Variants in PARVA observed in about 807,000 individuals in gnomAD.
PARVA encodes the protein alpha-parvin.
PARVA carries 25 observed loss-of-function variants against 52.6 expected under a neutral mutation model. That is an observed-to-expected ratio of 0.48 (90% CI 0.35 to 0.66). PARVA has a LOEUF of 0.66. PARVA is among the 30% of genes least tolerant of loss of function. The pLI is 0.01. For missense variants in PARVA, 373 were observed against 450.9 expected, an observed-to-expected ratio of 0.83 and a Z score of 1.56; for synonymous variants, 185 against 179.1, an observed-to-expected ratio of 1.03 and a Z score of -0.26.
intron 1 of PARVA, among the ~76,000 whole-genome samples, chr11:12,457,476 T>TC (rs1370687764): frequency 1.3e-5 from 2 of 152,200 alleles, no homozygotes; most frequent in Non-Finnish European, 2.9e-5. Flanking sequence ...CCTGAACCCC[T>TC]CCTCTCAGAA....
intron 4 of PARVA, among the ~76,000 whole-genome samples, chr11:12,494,907 C>G (rs1193627572): frequency 6.6e-6 from 1 of 152,142 alleles, no homozygotes; most frequent in Non-Finnish European, 1.5e-5. Flanking sequence ...CAAGATAAGA[C>G]CAGAAGGTTC....
intron 12 of PARVA, among the ~76,000 whole-genome samples, chr11:12,518,967 G>A (rs552545421): frequency 5.9e-5 from 9 of 152,336 alleles, no homozygotes; most frequent in South Asian, 2.1e-4. Context: ...GCCATGATTT[G>A]TGGGGTTTGG....
rs533457646 is a variant in PARVA, at chr11:12,413,901, A to G, written c.136+36118A>G. Among the ~76,000 whole-genome samples, 334 of 152,362 alleles carry G rather than the reference A, an allele frequency of 2.2e-3. 1 individual carries two copies. Among genetic ancestry groups the G allele is most frequent in the African/African-American group, 7.7e-3 (321 of 41,588 alleles). On this transcript the variant is annotated intron_variant, in intron 1 of 12. Transcript: ENST00000334956. ...AACCAGAGAACAAAGCAGTTTCTGCACAAAACAGTAACTTAAGGAGGATAT... is the reference window on the plus strand; with the variant it reads ...AACCAGAGAACAAAGCAGTTTCTGCGCAAAACAGTAACTTAAGGAGGATAT...
At chr11:12,376,756 T>C (rs1939394918), upstream of PARVA, 1 of 980,754 alleles carries the variant, frequency 1.0e-6, no homozygotes, top group Non-Finnish European at 1.2e-6. Context: ...AACACGTGCC[T>C]TTTAATCATT....
At chr11:12,490,540 G>A (rs2135054495) in intron 4 of PARVA, among the ~76,000 whole-genome samples, 1 of 150,068 alleles carries the variant, frequency 6.7e-6, no homozygotes, top group South Asian at 2.1e-4. Context: ...GAGAGAGAGA[G>A]AAAATAAAGG....
intron 6 of PARVA, among the ~76,000 whole-genome samples, chr11:12,507,369 G>C (rs932493864): frequency 6.6e-6 from 1 of 152,168 alleles, no homozygotes; most frequent in African/African-American, 2.4e-5. Context: ...GTAGTAGAAT[G>C]AATCTCCCTC....
Position 12,533,572 on chromosome 11 carries a change from T to C in PARVA, c.*5647T>C, listed in dbSNP as rs1941798426. ...GCACCGACCCCTGAGCAGCTGAAAA[T>C]TTGCATGTAACTTGACTCCCCCAAA... On this transcript the variant is annotated 3_prime_UTR_variant, in exon 13 of 13. Coordinates refer to ENST00000334956, the MANE Select transcript of PARVA (RefSeq NM_018222.5). Among the ~76,000 whole-genome samples, 1 of 152,010 alleles carries C rather than the reference T, an allele frequency of 6.6e-6. No individual in the cohort carries two copies. Among genetic ancestry groups the C allele is most frequent in the Admixed American group, 6.6e-5 (1 of 15,258 alleles).
chr11:12,501,961 T>C (rs1941368327), intron 5 of PARVA, among the ~76,000 whole-genome samples: 1 of 152,156 alleles, frequency 6.6e-6, no homozygotes, highest in Non-Finnish European at 1.5e-5. Flanking sequence ...CAAATGTTCT[T>C]ACAACCCTCA....
At chr11:12,526,241 T>A (rs200749959) in intron 12 of PARVA, among the ~76,000 whole-genome samples, 1 of 142,698 alleles carries the variant, frequency 7.0e-6, no homozygotes, top group Admixed American at 7.0e-5. Context: ...TCTTTTTTTT[T>A]AAAAGTCCCA....
At chr11:12,467,472 A>G (rs1940867770) in intron 1 of PARVA, among the ~76,000 whole-genome samples, 1 of 152,194 alleles carries the variant, frequency 6.6e-6, no homozygotes, top group Non-Finnish European at 1.5e-5. Flanking sequence ...CAAAGCATCC[A>G]ATTTCTCAAC....
intron 4 of PARVA, among the ~76,000 whole-genome samples, chr11:12,481,595 G>T (rs1173844894): frequency 6.6e-6 from 1 of 152,060 alleles, no homozygotes; most frequent in East Asian, 1.9e-4. Context: ...TATATTAGTG[G>T]ATGTTTTTAA....
rs771152861 is a variant in PARVA, at chr11:12,508,626, A to G, written c.700A>G (p.Ile234Val). 2.5e-6 allele frequency: 4 copies of G among 1,608,984 alleles called. No homozygotes were observed. The African/African-American group carries it at 5.4e-5, about 22-fold the overall frequency. ...ILQSRQIQEE[I>V]TGNTEALSGR... Reference sequence around the variant, plus strand: ...CCAGTCTCGGCAAATCCAAGAGGAAATAACTGGTAACACAGAGTATGTCAA... The same window carrying G: ...CCAGTCTCGGCAAATCCAAGAGGAAGTAACTGGTAACACAGAGTATGTCAA... Residue 234 changes from isoleucine (I) to valine (V), a missense_variant, in exon 7 of 13, where the codon ATA becomes GTA. Transcript: ENST00000334956.
chr11:12,533,547 G>A lies in PARVA; in HGVS notation c.*5622G>A, dbSNP rs1279709852. ...TACGGTTGATCCTTGAATGATATGGGCACCGACCCCTGAGCAGCTGAAAAT... is the reference window on the plus strand; with the variant it reads ...TACGGTTGATCCTTGAATGATATGGACACCGACCCCTGAGCAGCTGAAAAT... On this transcript the variant is annotated 3_prime_UTR_variant, in exon 13 of 13. Coordinates refer to ENST00000334956, the MANE Select transcript of PARVA (RefSeq NM_018222.5). Among the ~76,000 whole-genome samples the A allele has an allele frequency of 6.6e-6, 1 of 152,066 alleles. No homozygotes were observed. The highest frequency in any genetic ancestry group is 1.5e-5 in the Non-Finnish European group (1 of 68,022).
chr11:12,377,986 C>G (rs1254061039), intron 1 of PARVA, among the ~76,000 whole-genome samples: 1 of 148,210 alleles, frequency 6.7e-6, no homozygotes, highest in Non-Finnish European at 1.5e-5. Flanking sequence ...CGCGGGCCAT[C>G]GAGGCCACCC....
chr11:12,466,277 CTT>C (rs1336874551), intron 1 of PARVA, among the ~76,000 whole-genome samples: 1 of 150,700 alleles, frequency 6.6e-6, no homozygotes, highest in Admixed American at 6.6e-5. Flanking sequence ...TTAACAGTAT[CTT>C]TTGTAGAGTA....
chr11:12,434,852 G>A (rs57628814), intron 1 of PARVA, among the ~76,000 whole-genome samples: 18,888 of 152,008 alleles, frequency 0.12, 2,223 homozygotes, highest in African/African-American at 0.31. Context: ...CATTTTTACC[G>A]AGCCTGCTCC....
intron 1 of PARVA, among the ~76,000 whole-genome samples, chr11:12,417,089 A>G (rs1340945619): frequency 1.3e-5 from 2 of 152,218 alleles, no homozygotes; most frequent in African/African-American, 2.4e-5. Context: ...GTCTGTCACT[A>G]TAAGGAAACT....
chr11:12,475,000 A>G (rs1770356585), intron 3 of PARVA, among the ~76,000 whole-genome samples: 1 of 151,286 alleles, frequency 6.6e-6, no homozygotes, highest in Non-Finnish European at 1.5e-5. Flanking sequence ...TCATTCCCCC[A>G]TGCAAATCTG....
intron 5 of PARVA, among the ~76,000 whole-genome samples, 195 bp downstream of exon 5, chr11:12,496,793 A>C (rs1941304727): frequency 2.0e-5 from 3 of 152,180 alleles, no homozygotes; most frequent in African/African-American, 7.2e-5. Flanking sequence ...AAATAACAGA[A>C]TGTCAAAATC....
Sources: gnomAD v4.1 joint callset for allele counts (sites outside exome capture counted in the v4.1 genomes callset) on GRCh38, gnomAD v4.1.1 for gene constraint, MANE v1.5 for transcripts, NCBI Gene and HGNC (gene_info 2026-07-23, HGNC 2026-07-21) for gene names.